Variants in MCM4 observed in about 807,000 individuals in gnomAD.
The protein encoded by MCM4 is minichromosome maintenance complex component 4.
In MCM4, 60 loss-of-function variants were observed where a neutral mutation model predicts 88.7. The ratio of observed to expected loss-of-function variants is 0.68; its 90% CI spans 0.55 to 0.84. MCM4 has a LOEUF of 0.84. MCM4 is among the 40% of genes least tolerant of loss of function. MCM4 has a pLI of 0.00. For synonymous variants in MCM4, 465 were observed against 410.5 expected, an observed-to-expected ratio of 1.13 and a Z score of -1.61; for missense variants, 1,149 against 1,105.5, an observed-to-expected ratio of 1.04 and a Z score of -0.56.
At chr8:47,964,129 A>T (rs1380145054) in intron 7 of MCM4, among the ~76,000 whole-genome samples, 1 of 152,200 alleles carries the variant, frequency 6.6e-6, no homozygotes, top group African/African-American at 2.4e-5. Context: ...AGGCTGAGGC[A>T]GGAGAATTAC....
intron 10 of MCM4, among the ~76,000 whole-genome samples, chr8:47,968,345 G>A (rs573317015): frequency 2.6e-5 from 4 of 152,316 alleles, no homozygotes; most frequent in East Asian, 1.9e-4. Flanking sequence ...GCAATCTTCC[G>A]TCGTAAAAGT....
intron 10 of MCM4, among the ~76,000 whole-genome samples, chr8:47,968,133 TCA>T (rs2090916581): frequency 6.6e-6 from 1 of 152,090 alleles, no homozygotes; most frequent in Non-Finnish European, 1.5e-5. Flanking sequence ...TGCTGTAGAG[TCA>T]CAATGGATTT....
At chr8:47,976,632 G>T in intron 16 of MCM4, 54 bp from the exon 17 acceptor site, 1 of 1,272,352 alleles carries the variant, frequency 7.9e-7, no homozygotes, top group South Asian at 1.2e-5. Context: ...GTTTCTAACA[G>T]GTAAAGGAGG....
At chr8:47,975,551 C>A in intron 15 of MCM4, 164 bp from the exon 16 acceptor site, 1 of 478,160 alleles carries the variant, frequency 2.1e-6, no homozygotes, top group Non-Finnish European at 3.6e-6. Flanking sequence ...CAGCTAGTGG[C>A]TTACAGAAAT....
At position 47,966,254 on chromosome 8, in the gene MCM4, G is replaced by A. The variant is rs2090897155; in HGVS notation, c.900G>A (p.Gln300=). The change falls in exon 9 of 17, where the codon CAG becomes CAA. Residue 300 remains glutamine, a synonymous_variant. Transcript: ENST00000649973. ...CATCCCAGCTGATTCCCGAGATGCAGGAGGCCTTCTTCCAGTGCCAAGTGT... is the reference window on the plus strand; with the variant it reads ...CATCCCAGCTGATTCCCGAGATGCAAGAGGCCTTCTTCCAGTGCCAAGTGT... ...IRTSQLIPEM[Q]EAFFQCQVCA... is the part of the protein sequence containing the mutation. The A allele has an allele frequency of 6.2e-7, 1 of 1,614,032 alleles. No individual in the cohort carries two copies. The highest frequency in any genetic ancestry group is 1.3e-5 in the African/African-American group (1 of 74,930).
Position 47,962,398 on chromosome 8 carries a change from A to T in MCM4, c.493A>T (p.Asn165Tyr), listed in dbSNP as rs2090852527. ...TGTAAATGTGGCAGCATGCAAAGAA[A>T]ACTTTCAGGTGAGCTACATGTATTA... Reference protein sequence around the residue: ...TDVNVAACKENFQRFLQRFID... With the variant: ...TDVNVAACKEYFQRFLQRFID... Residue 165 changes from asparagine (N) to tyrosine (Y), a missense_variant, in exon 5 of 17, where the codon AAC becomes TAC. Transcript: ENST00000649973. 1 of 1,614,072 alleles carries T rather than the reference A, an allele frequency of 6.2e-7. No individual in the cohort carries two copies. Among genetic ancestry groups the T allele is most frequent in the South Asian group, 1.1e-5 (1 of 91,088 alleles).
chr8:47,963,362 T>C (rs1273420212), intron 7 of MCM4, among the ~76,000 whole-genome samples: 4 of 152,074 alleles, frequency 2.6e-5, no homozygotes, highest in Admixed American at 6.6e-5. Flanking sequence ...TCTGAAGCGA[T>C]AGAATCACTT....
chr8:47,964,551 C>A (rs753759421), intron 7 of MCM4, 23 bp from the exon 8 acceptor site: 1 of 1,550,122 alleles, frequency 6.5e-7, no homozygotes, highest in Non-Finnish European at 8.7e-7. Context: ...AATACAAATA[C>A]ATCTTCATAT....
chr8:47,975,747 G>C lies in MCM4; in HGVS notation c.2398G>C (p.Glu800Gln). The change falls in exon 16 of 17, where the codon GAA becomes CAA. Residue 800 changes from glutamate (E) to glutamine (Q), a missense_variant. Physicochemically the swap from Glu to Gln is conservative, Grantham distance 29. Transcript: ENST00000649973. ...TGCCACCTCTCGTAAACGGAAAGAA[G>C]AATTAGCTGAAGCATTGAAAAAGCT... ...MSATSRKRKE[E>Q]LAEALKKLIL... is the part of the protein sequence containing the mutation. 1 of 1,578,844 alleles carries C rather than the reference G, an allele frequency of 6.3e-7. No individual in the cohort carries two copies. The highest frequency in any genetic ancestry group is 8.6e-7 in the Non-Finnish European group (1 of 1,168,488).
intron 10 of MCM4, among the ~76,000 whole-genome samples, chr8:47,968,430 C>G (rs145516450): frequency 9.2e-5 from 14 of 152,304 alleles, no homozygotes; most frequent in Non-Finnish European, 2.1e-4. Context: ...TCCTGCTACC[C>G]TGAAACCTTT....
chr8:47,962,975 G>T lies in MCM4; in HGVS notation c.628G>T (p.Val210Leu). 1 of 1,605,232 alleles carries T rather than the reference G, an allele frequency of 6.2e-7. No individual in the cohort carries two copies. The change falls in exon 7 of 17, where the codon GTG becomes TTG. Residue 210 changes from valine (V) to leucine (L), a missense_variant. Val to Leu is a conservative substitution (Grantham distance 32). Coordinates refer to ENST00000649973, the MANE Select transcript of MCM4 (RefSeq NM_182746.3). ...TGTTATTGGTGAGCCATTTTTAAAT[G>T]TGAACTGTGAACACATCAAATCATT... ...INVIGEPFLN[V>L]NCEHIKSFDK... is the part of the protein sequence containing the mutation.
At chr8:47,971,281 G>A (rs1589832587) in intron 12 of MCM4, 60 bp from the exon 13 acceptor site, 36 of 1,603,010 alleles carry the variant, frequency 2.2e-5, no homozygotes, top group East Asian at 1.3e-4. Flanking sequence ...GGGCGAAGAC[G>A]GTGCTTGTTA....
intron 9 of MCM4, 88 bp from the exon 10 acceptor site, chr8:47,967,277 A>G (rs2090908222): frequency 1.4e-6 from 2 of 1,467,310 alleles, no homozygotes; most frequent in East Asian, 2.3e-5. Flanking sequence ...CTGCAGCCTT[A>G]TATGGCAAAA....
intron 14 of MCM4, chr8:47,973,744 T>G (rs1052782489): frequency 6.6e-6 from 1 of 152,370 alleles, no homozygotes; most frequent in Non-Finnish European, 1.5e-5. Flanking sequence ...TGCCTCGGCC[T>G]CCCAAAGTGC....
At position 47,961,102 on chromosome 8, in the gene MCM4, CCCGGCCCGAGCTTGTCCTTGT is replaced by C. The variant is rs1563829249; in HGVS notation, c.-14-27_-14-7del. On this transcript the variant is annotated splice_region_variant and splice_polypyrimidine_tract_variant and intron_variant, in intron 1 of 16. Coordinates refer to ENST00000649973, the MANE Select transcript of MCM4 (RefSeq NM_182746.3). ...CAGGGCAGGGAAGCCGGGAGGCGGG[CCCGGCCCGAGCTTGTCCTTGT>C]CGCGCAGGTACTCCGAGCACTATGT... 2.0e-6 allele frequency: 3 copies of C among 1,519,530 alleles called. No homozygotes were observed. The highest frequency in any genetic ancestry group is 2.6e-6 in the Non-Finnish European group (3 of 1,141,836). The allele number at this position is 1,519,530 out of a possible 1,614,324, so 94.1% of individuals were successfully genotyped here.
At position 47,974,904 on chromosome 8, in the gene MCM4, G is replaced by A. The variant is rs1441663131; in HGVS notation, c.2307G>A (p.Leu769=). 6.2e-7 allele frequency: 1 copy of A among 1,614,234 alleles called. No individual in the cohort carries two copies. Among genetic ancestry groups the A allele is most frequent in the South Asian group, 1.1e-5 (1 of 91,084 alleles). ...CCAAACGCCTCCATCGGGAAGCTCTGAAGCAGTCTGCAACTGATCCCCGGA... is the reference window on the plus strand; with the variant it reads ...CCAAACGCCTCCATCGGGAAGCTCTAAAGCAGTCTGCAACTGATCCCCGGA... ...EEAKRLHREA[L]KQSATDPRTG... The change falls in exon 15 of 17, where the codon CTG becomes CTA. Residue 769 remains leucine, a synonymous_variant. Transcript: ENST00000649973.
In MCM4 at chr8:47,966,379, A is replaced by C; in HGVS notation, c.1025A>C (p.Asn342Thr). 1.2e-6 allele frequency: 2 copies of C among 1,612,338 alleles called. No homozygotes were observed. Among genetic ancestry groups the C allele is most frequent in the Non-Finnish European group, 1.7e-6 (2 of 1,178,978 alleles). ...HTTHSMALIH[N>T]RSLFSDKQMI... Reference sequence around the variant, plus strand: ...ACCCACAGCATGGCACTCATCCACAACCGCTCCCTCTTCTCTGACAAGCAG... The same window carrying C: ...ACCCACAGCATGGCACTCATCCACACCCGCTCCCTCTTCTCTGACAAGCAG... Residue 342 changes from asparagine to threonine, a missense_variant, in exon 9 of 17, where the codon AAC becomes ACC. Asn to Thr is a moderately conservative substitution (Grantham distance 65). Around this residue, in one of 3 missense-constraint regions of MCM4, gnomAD observed 906 missense variants for 843.0 expected, o/e 1.07. Transcript: ENST00000649973.
Position 47,962,816 on chromosome 8 carries a change from G to C in MCM4, c.554G>C (p.Gly185Ala), listed in dbSNP as rs984758007. 6.2e-7 allele frequency: 1 copy of C among 1,609,414 alleles called. No homozygotes were observed. Reference protein sequence around the residue: ...DPLAKEEENVGIDITEPLYMQ... With the variant: ...DPLAKEEENVAIDITEPLYMQ... ...CTGGCTAAAGAAGAAGAAAATGTTG[G>C]CATAGATATTACTGAACCTCTATAC... The change falls in exon 6 of 17, where the codon GGC (glycine) becomes GCC (alanine). Residue 185 changes from glycine to alanine, a missense_variant. Around this residue, in one of 3 missense-constraint regions of MCM4, gnomAD observed 906 missense variants for 843.0 expected, o/e 1.07. Coordinates refer to ENST00000649973, the MANE Select transcript of MCM4 (RefSeq NM_182746.3).
intron 10 of MCM4, 111 bp downstream of exon 10, chr8:47,967,596 A>G: frequency 7.2e-7 from 1 of 1,395,622 alleles, no homozygotes; most frequent in South Asian, 1.3e-5. Context: ...TCCAGTTGTC[A>G]CTGCTTGTCT....
Sources: gnomAD v4.1 joint callset for allele counts (sites outside exome capture counted in the v4.1 genomes callset) on GRCh38, gnomAD v4.1.1 for gene constraint, gnomAD v4.1.1 regional missense constraint, MANE v1.5 for transcripts, NCBI Gene and HGNC (gene_info 2026-07-23, HGNC 2026-07-21) for gene names.